Variants in SETD3 observed in about 807,000 individuals in gnomAD.
SETD3 encodes actin-histidine N-methyltransferase.
SETD3 carries 19 observed loss-of-function variants against 63.0 expected under a neutral mutation model. The observed-to-expected ratio is 0.30, with a 90% CI of 0.21 to 0.44. SETD3 has a LOEUF of 0.44. Ranked by LOEUF, SETD3 falls within the 20% of genes least tolerant of loss-of-function variation. The pLI is 1.00. For missense variants in SETD3, 587 were observed against 728.5 expected (o/e 0.81, Z 2.24); for synonymous variants, 286 against 264.1 (o/e 1.08, Z -0.80).
intron 6 of SETD3, among the ~76,000 whole-genome samples, chr14:99,437,889 C>T (rs1301711542): frequency 1.3e-5 from 2 of 152,152 alleles, no homozygotes; most frequent in Non-Finnish European, 2.9e-5. Flanking sequence ...CATTTAGATA[C>T]CAGCTAACTG....
At position 99,437,383 on chromosome 14, in the gene SETD3, T is replaced by C. The variant is rs148754196; in HGVS notation, c.675+20896A>G. On this transcript the variant is annotated intron_variant, in intron 6 of 12. Coordinates refer to ENST00000331768, the MANE Select transcript of SETD3 (RefSeq NM_032233.3). ...GGGTCAGTGACCAGTGCCACCTCTG[T>C]GAAGTCTTCCCTACTCCCACTCTTT... 8.4e-3 allele frequency among the ~76,000 whole-genome samples: 1,272 copies of C among 152,270 alleles called. 8 individuals are homozygous for C. Among genetic ancestry groups the C allele is most frequent in the Non-Finnish European group, 0.01 (707 of 68,016 alleles).
At chr14:99,426,920 T>A (rs1382410550) in intron 6 of SETD3, among the ~76,000 whole-genome samples, 1 of 152,128 alleles carries the variant, frequency 6.6e-6, no homozygotes, top group Non-Finnish European at 1.5e-5. Context: ...CATATTTACC[T>A]ACTCCCCACC....
chr14:99,424,560 G>C (rs775659954), intron 6 of SETD3, among the ~76,000 whole-genome samples: 4 of 152,168 alleles, frequency 2.6e-5, no homozygotes. Context: ...AAACCAAGGG[G>C]ATAAAGCCAG....
At position 99,403,574 on chromosome 14, in the gene SETD3, G is replaced by A. The variant is rs182562524; in HGVS notation, c.1177+651C>T. 5.2e-3 allele frequency among the ~76,000 whole-genome samples: 783 copies of A among 151,994 alleles called. 4 individuals carry two copies. Among genetic ancestry groups the A allele is most frequent in the Non-Finnish European group, 5.7e-3 (388 of 67,996 alleles). ...GAAAAATAAAAACACAACCACGAGA[G>A]GTCAAATCTCAGCATAAGAAACCCC... is the stretch of plus-strand genomic sequence containing the variant. On this transcript the variant is annotated intron_variant, in intron 11 of 12. Coordinates refer to ENST00000331768, the MANE Select transcript of SETD3 (RefSeq NM_032233.3).
At position 99,459,205 on chromosome 14, in the gene SETD3, T is replaced by C. The variant is rs114967590; in HGVS notation, c.346-20A>G. On this transcript the variant is annotated intron_variant, in intron 4 of 12. Transcript: ENST00000331768. ...TTCTGCCTAGGGAAAAAAATAATAA[T>C]AGGAGAATCATCAAAACACGGTACA... The C allele has an allele frequency of 4.5e-4, 705 of 1,564,978 alleles. 1 individual carries two copies. The African/African-American group carries it at 7.2e-3, about 16-fold the overall frequency.
chr14:99,458,247 A>T, intron 6 of SETD3, 32 bp downstream of exon 6: 1 of 1,594,434 alleles, frequency 6.3e-7, no homozygotes, highest in Non-Finnish European at 8.6e-7. Flanking sequence ...CACTCTGTGA[A>T]ATATATACTT....
intron 1 of SETD3, among the ~76,000 whole-genome samples, chr14:99,468,948 T>C (rs1210879932): frequency 2.6e-5 from 4 of 152,152 alleles, no homozygotes; most frequent in Non-Finnish European, 5.9e-5. Flanking sequence ...GGGAAGAGCA[T>C]CTGCACAGGT....
intron 8 of SETD3, among the ~76,000 whole-genome samples, chr14:99,408,265 G>C (rs942826707): frequency 2.6e-5 from 4 of 152,188 alleles, no homozygotes; most frequent in African/African-American, 9.7e-5. Flanking sequence ...GCAAAGACCA[G>C]TGATAAATAT....
At chr14:99,484,682 G>C (rs1417904806), upstream of SETD3, among the ~76,000 whole-genome samples, 1 of 152,162 alleles carries the variant, frequency 6.6e-6, no homozygotes, top group Non-Finnish European at 1.5e-5. Context: ...TAGGAATACA[G>C]GAATTATGTG....
rs143123094 is a variant in SETD3, at chr14:99,431,494, T to C, written c.676-17560A>G. Among the ~76,000 whole-genome samples, 1,084 of 145,908 alleles carry C rather than the reference T, an allele frequency of 7.4e-3. 8 individuals are homozygous for C. The highest frequency in any genetic ancestry group is 0.025 in the African/African-American group (1,000 of 39,912). ...AAATAGCAACATGCATTAGTAGGAA[T>C]TTTTTTTTTTTTCTGAGACAGAGTT... On this transcript the variant is annotated intron_variant, in intron 6 of 12. Transcript: ENST00000331768.
intron 3 of SETD3, 68 bp downstream of exon 3, chr14:99,463,418 A>G (rs973021895): frequency 6.5e-5 from 81 of 1,240,118 alleles, no homozygotes; most frequent in Non-Finnish European, 9.2e-5. Context: ...ACTACTCGTC[A>G]ACCCTTTGAC....
At chr14:99,446,004 G>A (rs545476039) in intron 6 of SETD3, among the ~76,000 whole-genome samples, 13 of 152,340 alleles carry the variant, frequency 8.5e-5, no homozygotes, top group Admixed American at 8.5e-4. Context: ...GGGGAGAGAA[G>A]GAATCACAGA....
At chr14:99,410,329 G>T (rs1891917702) in intron 8 of SETD3, 3 of 1,403,324 alleles carry the variant, frequency 2.1e-6, no homozygotes, top group Non-Finnish European at 3.0e-6. Context: ...TTTTGAGACT[G>T]TAAGACTCAT....
At chr14:99,481,827 A>G (rs551287059), upstream of SETD3, among the ~76,000 whole-genome samples, 1 of 152,326 alleles carries the variant, frequency 6.6e-6, no homozygotes, top group African/African-American at 2.4e-5. Context: ...CAGACTTCTC[A>G]TATCTCCCCG....
upstream of SETD3, among the ~76,000 whole-genome samples, chr14:99,482,511 T>C (rs886190343): frequency 2.6e-5 from 4 of 152,258 alleles, no homozygotes; most frequent in African/African-American, 9.6e-5. Context: ...TGCTTACCTG[T>C]TAAATAATCT....
chr14:99,470,093 T>C (rs987385126), intron 1 of SETD3, among the ~76,000 whole-genome samples: 1 of 152,204 alleles, frequency 6.6e-6, no homozygotes, highest in Non-Finnish European at 1.5e-5. Flanking sequence ...ATCCTACCTT[T>C]ACACAACACA....
intron 6 of SETD3, among the ~76,000 whole-genome samples, chr14:99,453,085 G>C (rs775183949): frequency 3.9e-5 from 6 of 152,150 alleles, no homozygotes; most frequent in Non-Finnish European, 5.9e-5. Flanking sequence ...TCACAGTAAT[G>C]GAATATGAAC....
At chr14:99,463,902 T>TA (rs1177290261) in intron 2 of SETD3, among the ~76,000 whole-genome samples, 3 of 152,182 alleles carry the variant, frequency 2.0e-5, no homozygotes, top group African/African-American at 7.2e-5. Flanking sequence ...AAATCTATGA[T>TA]AAAAAGCTAA....
At chr14:99,405,623 C>A (rs1049154860) in intron 9 of SETD3, among the ~76,000 whole-genome samples, 1 of 152,134 alleles carries the variant, frequency 6.6e-6, no homozygotes, top group Non-Finnish European at 1.5e-5. Context: ...GAAAGTACCA[C>A]CAAAGGCCTT....
Sources: allele counts gnomAD v4.1 joint callset (sites outside exome capture counted in the v4.1 genomes callset), GRCh38; gene constraint gnomAD v4.1.1; transcripts MANE v1.5; gene names NCBI Gene and HGNC (gene_info 2026-07-23, HGNC 2026-07-21).